Variants in SH3RF2 observed in about 807,000 individuals in gnomAD.
SH3RF2 encodes the protein SH3 domain containing ring finger 2, also known as E3 ubiquitin-protein ligase SH3RF2.
In SH3RF2, 43 loss-of-function variants were observed where a neutral mutation model predicts 59.0. The observed-to-expected ratio is 0.73, with a 90% CI of 0.57 to 0.94. SH3RF2 has a LOEUF of 0.94. Among genes scored for constraint, SH3RF2 ranks in the 40% least tolerant of loss-of-function variants. SH3RF2 has a pLI of 0.00. For synonymous variants in SH3RF2, 391 were observed against 391.5 expected (o/e 1.00, Z 0.01); for missense variants, 930 against 940.1 (o/e 0.99, Z 0.14).
At chr5:145,986,774 T>G (rs1018073451) in intron 2 of SH3RF2, among the ~76,000 whole-genome samples, 1 of 152,120 alleles carries the variant, frequency 6.6e-6, no homozygotes, top group Non-Finnish European at 1.5e-5. Flanking sequence ...TGAGATCACC[T>G]CAAAGAAATC....
At chr5:146,004,789 A>T (rs1026701047) in intron 4 of SH3RF2, among the ~76,000 whole-genome samples, 17 of 152,264 alleles carry the variant, frequency 1.1e-4, no homozygotes, top group African/African-American at 4.1e-4. Context: ...TAAGTTTTTT[A>T]AAAGTTTAAT....
intron 7 of SH3RF2, among the ~76,000 whole-genome samples, chr5:146,051,322 G>A (rs1762488102): frequency 6.6e-6 from 1 of 152,228 alleles, no homozygotes; most frequent in South Asian, 2.1e-4. Context: ...TTGAGCAGAA[G>A]AGTAACATAA....
intron 2 of SH3RF2, among the ~76,000 whole-genome samples, chr5:145,986,563 T>C (rs1025794747): frequency 1.3e-5 from 2 of 152,168 alleles, no homozygotes; most frequent in African/African-American, 4.8e-5. Context: ...ACAGGTGCCC[T>C]GTGCCCTGGT....
chr5:146,041,829 G>A (rs1762136817), intron 5 of SH3RF2, among the ~76,000 whole-genome samples: 1 of 152,178 alleles, frequency 6.6e-6, no homozygotes. Flanking sequence ...CACTCAGGAG[G>A]CTGAGGCGGG....
chr5:146,008,084 C>G (rs1250490980), intron 4 of SH3RF2, among the ~76,000 whole-genome samples: 1 of 152,206 alleles, frequency 6.6e-6, no homozygotes, highest in Non-Finnish European at 1.5e-5. Flanking sequence ...TATTGAATTG[C>G]ACCCGCATTA....
intron 2 of SH3RF2, among the ~76,000 whole-genome samples, chr5:145,950,003 G>A (rs977244472): frequency 2.0e-5 from 3 of 152,100 alleles, no homozygotes; most frequent in Non-Finnish European, 4.4e-5. Flanking sequence ...ACAACCAAGT[G>A]GAATGATTGT....
At chr5:145,978,579 A>G (rs1209756150) in intron 2 of SH3RF2, among the ~76,000 whole-genome samples, 1 of 151,502 alleles carries the variant, frequency 6.6e-6, no homozygotes, top group Non-Finnish European at 1.5e-5. Context: ...GTAAATAAAC[A>G]TTTTCTGATT....
chr5:146,018,223 A>T (rs115049093), intron 5 of SH3RF2, among the ~76,000 whole-genome samples: 3,748 of 152,214 alleles, frequency 0.025, 165 homozygotes, highest in African/African-American at 0.087. Context: ...TATCCAATAG[A>T]TAATTTTTCT....
At chr5:146,067,350 C>T (rs1763131173), downstream of SH3RF2, among the ~76,000 whole-genome samples, 1 of 152,198 alleles carries the variant, frequency 6.6e-6, no homozygotes, top group Admixed American at 6.5e-5. Flanking sequence ...CTTCAACATA[C>T]TGCGCCACAG....
rs1269574546 is a variant in SH3RF2, at chr5:146,062,754, A to G, written c.*53A>G. 6.4e-7 allele frequency: 1 copy of G among 1,569,434 alleles called. No individual in the cohort carries two copies. The highest frequency in any genetic ancestry group is 8.7e-7 in the Non-Finnish European group (1 of 1,155,016). On this transcript the variant is annotated 3_prime_UTR_variant, in exon 10 of 10. Transcript: ENST00000359120. ...AAAGAGGTGAATTGCATTTAAATACAGTCTGCCTCCACTGAGGGCATCCTG... is the reference window on the plus strand; with the variant it reads ...AAAGAGGTGAATTGCATTTAAATACGGTCTGCCTCCACTGAGGGCATCCTG...
chr5:146,077,997 T>C (rs1279365851), intron 9 of SH3RF2, among the ~76,000 whole-genome samples: 6 of 152,148 alleles, frequency 3.9e-5, no homozygotes, highest in Admixed American at 3.3e-4. Flanking sequence ...CCTGAGCCTA[T>C]ACTGACATAA....
chr5:146,064,885 G>T (rs1467017026), downstream of SH3RF2, among the ~76,000 whole-genome samples: 2 of 149,346 alleles, frequency 1.3e-5, no homozygotes, highest in Non-Finnish European at 3.0e-5. Context: ...AGAAAAAGAT[G>T]CAGGGAGGGA....
intron 5 of SH3RF2, among the ~76,000 whole-genome samples, chr5:146,044,205 C>T (rs1041362063): frequency 7.3e-5 from 11 of 150,984 alleles, no homozygotes; most frequent in Admixed American, 3.3e-4. Context: ...GGCTAGAGTG[C>T]AAGGGCATGA....
chr5:145,983,598 G>T (rs2149971014), intron 2 of SH3RF2, among the ~76,000 whole-genome samples: 1 of 152,280 alleles, frequency 6.6e-6, no homozygotes, highest in Non-Finnish European at 1.5e-5. Context: ...GCTGAGAGCT[G>T]CTTTCTTTGG....
intron 9 of SH3RF2, 53 bp downstream of exon 9, chr5:146,060,277 T>C: frequency 7.5e-6 from 11 of 1,462,298 alleles, no homozygotes; most frequent in Non-Finnish European, 1.0e-5. Flanking sequence ...GTACTATGCA[T>C]AGTGTCTCAG....
chr5:146,068,698 G>T (rs2150027503), intron 9 of SH3RF2, among the ~76,000 whole-genome samples: 1 of 152,272 alleles, frequency 6.6e-6, no homozygotes, highest in South Asian at 2.1e-4. Flanking sequence ...TTATGTCCTA[G>T]ACCAAAGCAG....
chr5:145,983,611 C>T (rs1273792858), intron 2 of SH3RF2, among the ~76,000 whole-genome samples: 1 of 152,142 alleles, frequency 6.6e-6, no homozygotes. Context: ...TTCTTTGGCT[C>T]ATGAGGCCAG....
intron 5 of SH3RF2, among the ~76,000 whole-genome samples, chr5:146,037,372 A>C (rs1408159192): frequency 6.6e-6 from 1 of 152,224 alleles, no homozygotes. Flanking sequence ...TAGTGCCTCA[A>C]GAAGCTACAA....
At chr5:146,016,531 C>A (rs977651583) in intron 5 of SH3RF2, among the ~76,000 whole-genome samples, 2 of 152,142 alleles carry the variant, frequency 1.3e-5, no homozygotes, top group Non-Finnish European at 2.9e-5. Flanking sequence ...GTAATAAGAA[C>A]CTTTGTAGGG....
Sources: allele counts gnomAD v4.1 joint callset (sites outside exome capture counted in the v4.1 genomes callset), GRCh38; gene constraint gnomAD v4.1.1; transcripts MANE v1.5; gene names NCBI Gene and HGNC (gene_info 2026-07-23, HGNC 2026-07-21).